Variants in QSOX1 observed in about 807,000 individuals in gnomAD.
QSOX1 encodes the protein sulfhydryl oxidase 1.
A neutral mutation model predicts 76.1 loss-of-function variants in QSOX1; 40 were observed. The observed-to-expected ratio is 0.53, with a 90% CI of 0.41 to 0.68. The LOEUF is 0.68. Ranked by LOEUF, QSOX1 falls within the 30% of genes least tolerant of loss-of-function variation. The pLI is 0.00. For synonymous variants in QSOX1, 392 were observed against 413.1 expected (o/e 0.95, Z 0.62); for missense variants, 931 against 974.3 (o/e 0.96, Z 0.59).
chr1:180,190,601 C>T (rs1201384758), intron 10 of QSOX1, 21 bp downstream of exon 10: 5 of 1,602,968 alleles, frequency 3.1e-6, no homozygotes, highest in Non-Finnish European at 4.3e-6. Context: ...GACCCGTTCA[C>T]CCCACTGTGC....
In QSOX1 at chr1:180,197,390, G is replaced by C; in HGVS notation, c.*353G>C. ...GCCTCAGTCTCTCCTGCTTGGTCTTGGCCCTCAACTGGGGCAAGTGAAGCC... is the reference window on the plus strand; with the variant it reads ...GCCTCAGTCTCTCCTGCTTGGTCTTCGCCCTCAACTGGGGCAAGTGAAGCC... On this transcript the variant is annotated 3_prime_UTR_variant, in exon 12 of 12. Coordinates refer to ENST00000367602, the MANE Select transcript of QSOX1 (RefSeq NM_002826.5). 1 of 1,613,406 alleles carries C rather than the reference G, an allele frequency of 6.2e-7. No homozygotes were observed. The highest frequency in any genetic ancestry group is 8.5e-7 in the Non-Finnish European group (1 of 1,179,796).
At chr1:180,184,610 C>T (rs1306160273) in intron 7 of QSOX1, among the ~76,000 whole-genome samples, 1 of 152,192 alleles carries the variant, frequency 6.6e-6, no homozygotes, top group Non-Finnish European at 1.5e-5. Flanking sequence ...CATGAGAGAG[C>T]TGCTCTTCTC....
In QSOX1 at chr1:180,201,272, A is replaced by T. The variant is rs1245149600; in HGVS notation, c.*4235A>T. The T allele has an allele frequency of 6.6e-6, 1 of 152,156 alleles. No homozygotes were observed. Among genetic ancestry groups the T allele is most frequent in the African/African-American group, 2.4e-5 (1 of 41,422 alleles). 9.4% of individuals were successfully genotyped at this position (152,156 alleles called of 1,614,324 possible). A position where few individuals can be genotyped will look rare whatever the true frequency, so the allele number is the denominator to read the frequency against. On this transcript the variant is annotated 3_prime_UTR_variant, in exon 12 of 12. Coordinates refer to ENST00000367602, the MANE Select transcript of QSOX1 (RefSeq NM_002826.5). ...GCCAGAGGAAATCACAGCCTATAAG[A>T]TCAATATCCTGATAGAATCCCGGGC... is the stretch of plus-strand genomic sequence containing the variant.
chr1:180,172,063 C>T (rs1366928556), intron 2 of QSOX1, among the ~76,000 whole-genome samples: 1 of 152,152 alleles, frequency 6.6e-6, no homozygotes, highest in South Asian at 2.1e-4. Context: ...GGAGCAAGGG[C>T]AGACGCTGTT....
At chr1:180,162,662 C>T (rs73038415) in intron 1 of QSOX1, among the ~76,000 whole-genome samples, 4,471 of 151,972 alleles carry the variant, frequency 0.029, 127 homozygotes, top group East Asian at 0.095. Flanking sequence ...TTACTTGAGC[C>T]CAGGAGATTG....
At chr1:180,189,365 C>T (rs1663250269) in intron 8 of QSOX1, among the ~76,000 whole-genome samples, 187 bp from the exon 9 acceptor site, 1 of 152,148 alleles carries the variant, frequency 6.6e-6, no homozygotes, top group African/African-American at 2.4e-5. Context: ...AAAGGTAGTA[C>T]AGAAGTCATA....
chr1:180,160,021 T>G (rs1446348965), intron 1 of QSOX1, among the ~76,000 whole-genome samples: 1 of 152,160 alleles, frequency 6.6e-6, no homozygotes, highest in African/African-American at 2.4e-5. Flanking sequence ...GTTTTATCAT[T>G]CCAGCTGGAG....
chr1:180,179,658 G>A (rs941228998), intron 5 of QSOX1, among the ~76,000 whole-genome samples: 1 of 152,250 alleles, frequency 6.6e-6, no homozygotes, highest in African/African-American at 2.4e-5. Flanking sequence ...AAGGTGGGAC[G>A]TGCCAGTGCA....
intron 1 of QSOX1, among the ~76,000 whole-genome samples, chr1:180,159,302 G>A (rs1045776326): frequency 6.6e-6 from 1 of 152,188 alleles, no homozygotes; most frequent in African/African-American, 2.4e-5. Context: ...TTGGTGTTAG[G>A]CATTTAAGAC....
At position 180,154,982 on chromosome 1, in the gene QSOX1, C is replaced by G. The variant is rs940036288; in HGVS notation, c.75C>G (p.Pro25=). Residue 25 remains proline, a synonymous_variant, in exon 1 of 12, where the codon CCC becomes CCG. Coordinates refer to ENST00000367602, the MANE Select transcript of QSOX1 (RefSeq NM_002826.5). The part of the protein sequence containing the change: ...LLLLLWLLAV[P]GANAAPRSAL... ...TGCTGCTGTGGCTGCTCGCGGTTCCCGGCGCTAACGCGGCCCCGCGGTCGG... is the reference window on the plus strand; with the variant it reads ...TGCTGCTGTGGCTGCTCGCGGTTCCGGGCGCTAACGCGGCCCCGCGGTCGG... The G allele has an allele frequency of 1.3e-5, 19 of 1,507,782 alleles. No homozygotes were observed. Among genetic ancestry groups the G allele is most frequent in the Non-Finnish European group, 1.7e-5 (19 of 1,135,970 alleles). The allele number at this position is 1,507,782 out of a possible 1,614,324, so 93.4% of individuals were successfully genotyped here.
At chr1:180,170,349 GT>G (rs1300273352) in intron 2 of QSOX1, among the ~76,000 whole-genome samples, 1 of 152,202 alleles carries the variant, frequency 6.6e-6, no homozygotes, top group East Asian at 1.9e-4. Context: ...GTTGGAAGTG[GT>G]TAAGGTAATG....
chr1:180,168,011 A>G (rs755582083), intron 2 of QSOX1, among the ~76,000 whole-genome samples: 1 of 152,198 alleles, frequency 6.6e-6, no homozygotes, highest in Non-Finnish European at 1.5e-5. Flanking sequence ...GCAGGGGTGC[A>G]GCCACTGCCC....
At chr1:180,164,654 A>G (rs564944621) in intron 1 of QSOX1, among the ~76,000 whole-genome samples, 1 of 151,574 alleles carries the variant, frequency 6.6e-6, no homozygotes, top group South Asian at 2.1e-4. Context: ...TGAGGGTAAC[A>G]CTCCTTCCCC....
At chr1:180,175,281 A>G (rs761582237) in intron 2 of QSOX1, 40 bp from the exon 3 acceptor site, 19 of 1,607,404 alleles carry the variant, frequency 1.2e-5, no homozygotes, top group Non-Finnish European at 1.4e-5. Flanking sequence ...ACTCTTGGCC[A>G]CTATCTATTA....
chr1:180,181,422 G>A (rs1418853947), intron 5 of QSOX1, among the ~76,000 whole-genome samples: 3 of 152,152 alleles, frequency 2.0e-5, no homozygotes, highest in African/African-American at 7.2e-5. Flanking sequence ...AGAGCCCCAC[G>A]TTAAGAAACG....
At chr1:180,162,055 T>G (rs1662504064) in intron 1 of QSOX1, among the ~76,000 whole-genome samples, 1 of 152,046 alleles carries the variant, frequency 6.6e-6, no homozygotes, top group South Asian at 2.1e-4. Flanking sequence ...CTGATGAGAG[T>G]TCATAGTAAT....
intron 1 of QSOX1, among the ~76,000 whole-genome samples, chr1:180,155,516 C>G (rs1335325010): frequency 6.6e-6 from 1 of 152,210 alleles, no homozygotes; most frequent in African/African-American, 2.4e-5. Flanking sequence ...TCCGCTGACA[C>G]CTTACCGTTT....
At chr1:180,184,467 C>T (rs888084059) in intron 7 of QSOX1, among the ~76,000 whole-genome samples, 1 of 145,132 alleles carries the variant, frequency 6.9e-6, no homozygotes, top group African/African-American at 2.6e-5. Flanking sequence ...TATGTACAGG[C>T]AGATGCATTC....
chr1:180,175,596 C>T (rs1023830423), intron 3 of QSOX1, among the ~76,000 whole-genome samples: 5 of 152,174 alleles, frequency 3.3e-5, no homozygotes, highest in African/African-American at 1.2e-4. Flanking sequence ...GCCCTAGGGT[C>T]GGGGCAGGGG....
Sources: gnomAD v4.1 joint callset for allele counts (sites outside exome capture counted in the v4.1 genomes callset) on GRCh38, gnomAD v4.1.1 for gene constraint, MANE v1.5 for transcripts, NCBI Gene and HGNC (gene_info 2026-07-23, HGNC 2026-07-21) for gene names.